CRNKL1: variants seen among roughly 807,000 people sequenced by gnomAD.
The protein encoded by CRNKL1 is crooked neck-like protein 1.
A neutral mutation model predicts 103.7 loss-of-function variants in CRNKL1; 35 were observed. The ratio of observed to expected loss-of-function variants is 0.34; its 90% CI spans 0.26 to 0.45. CRNKL1 has a LOEUF of 0.45. Ranked by LOEUF, CRNKL1 falls within the 20% of genes least tolerant of loss-of-function variation. CRNKL1 has a pLI of 1.00. For synonymous variants in CRNKL1, 267 were observed against 282.6 expected, an observed-to-expected ratio of 0.94 and a Z score of 0.55; for missense variants, 645 against 836.0, an observed-to-expected ratio of 0.77 and a Z score of 2.82.
chr20:20,038,252 A>AC lies in CRNKL1; in HGVS notation c.1647+96_1647+97insG. ...AAGGAAGTCATTAAAAAAAAAAAAA[A>AC]AACAAAAACCCAAACACTTAAAATA... is the stretch of plus-strand genomic sequence containing the variant. On this transcript the variant is annotated intron_variant, in intron 12 of 13. Transcript: ENST00000536226. The AC allele has an allele frequency of 7.8e-5, 58 of 746,274 alleles. No individual in the cohort carries two copies. In the East Asian group the frequency reaches 9.5e-4, roughly 12 times the overall value. The allele number at this position is 746,274 out of a possible 1,614,324, so 46.2% of individuals were successfully genotyped here. A position where few individuals can be genotyped will look rare whatever the true frequency, so the allele number is the denominator to read the frequency against.
chr20:20,052,715 G>A (rs1309500066), upstream of CRNKL1: 1 of 1,608,458 alleles, frequency 6.2e-7, no homozygotes, highest in Admixed American at 1.7e-5. Context: ...CTGTCGAGCC[G>A]TGGCGCCCTG....
At chr20:20,045,654 A>G (rs765706407) in intron 5 of CRNKL1, among the ~76,000 whole-genome samples, 168 bp from the exon 6 acceptor site, 9 of 152,218 alleles carry the variant, frequency 5.9e-5, no homozygotes, top group Admixed American at 1.3e-4. Flanking sequence ...GGCTTCTGTG[A>G]GAGCAGGGCC....
chr20:20,055,461 G>A (rs1222845947), upstream of CRNKL1, among the ~76,000 whole-genome samples: 5 of 152,138 alleles, frequency 3.3e-5, no homozygotes, highest in Admixed American at 6.5e-5. Flanking sequence ...AAAGTCCCAG[G>A]TAGATGCATG....
At chr20:20,040,857 G>GT in intron 9 of CRNKL1, 91 bp from the exon 10 acceptor site, 1 of 877,344 alleles carries the variant, frequency 1.1e-6, no homozygotes, top group Non-Finnish European at 1.8e-6. Flanking sequence ...AAAGCCATTG[G>GT]TAATTCGATT....
rs180752593 is a variant in CRNKL1 at position 20,043,786 on chromosome 20, T to C, written c.802-124A>G. ...TTTTGAGGCCTCATAATATCCAGAG[T>C]AAGATGCTTTTCTCCCTCTTGTTGA... On this transcript the variant is annotated intron_variant, in intron 6 of 13. Transcript: ENST00000536226. The C allele has an allele frequency of 3.5e-4, 290 of 835,204 alleles. 2 individuals are homozygous for C. In the African/African-American group the frequency reaches 4.3e-3, roughly 12 times the overall value. 51.7% of individuals were successfully genotyped at this position (835,204 alleles called of 1,614,324 possible). A position where few individuals can be genotyped will look rare whatever the true frequency, so the allele number is the denominator to read the frequency against.
chr20:20,039,572 A>G lies in CRNKL1; in HGVS notation c.1545+37T>C, dbSNP rs1432853599. 7 of 1,610,882 alleles carry G rather than the reference A, an allele frequency of 4.3e-6. No individual in the cohort carries two copies. The African/African-American group carries it at 8.0e-5, about 18-fold the overall frequency. ...TCATCTAAAGTAAGACTAAACACGT[A>G]TCTCAAACAAAATTATATTTGACTT... is the stretch of plus-strand genomic sequence containing the variant. On this transcript the variant is annotated intron_variant, in intron 11 of 13. Coordinates refer to ENST00000536226, the MANE Select transcript of CRNKL1 (RefSeq NM_001278628.2).
At chr20:20,047,180 G>A (rs575721044) in intron 5 of CRNKL1, among the ~76,000 whole-genome samples, 5 of 152,304 alleles carry the variant, frequency 3.3e-5, no homozygotes, top group African/African-American at 1.2e-4. Context: ...TGGCAGCCAG[G>A]ACCTTAGTAC....
chr20:20,049,038 GGCCATTGT>G, intron 3 of CRNKL1, among the ~76,000 whole-genome samples: 1 of 111,460 alleles, frequency 9.0e-6, no homozygotes, highest in African/African-American at 5.5e-5. Flanking sequence ...TATTTTTTTT[GGCCATTGT>G]TTAGCTGAAA....
chr20:20,055,971 A>G (rs535146740), upstream of CRNKL1: 20 of 1,611,544 alleles, frequency 1.2e-5, no homozygotes, highest in Admixed American at 1.2e-4. Flanking sequence ...AGCATTTCCC[A>G]AAGTGTCCTT....
In CRNKL1 at chr20:20,038,993, T is replaced by G. The variant is rs1447844735; in HGVS notation, c.1546-543A>C. On this transcript the variant is annotated intron_variant, in intron 11 of 13. Transcript: ENST00000536226. Reference sequence around the variant, plus strand: ...GAGGAGCCGAGGACAACTGATGAACTCAGTGATACCCAAAGCCCTGCCTTA... The same window carrying G: ...GAGGAGCCGAGGACAACTGATGAACGCAGTGATACCCAAAGCCCTGCCTTA... 2.0e-5 allele frequency among the ~76,000 whole-genome samples: 3 copies of G among 152,154 alleles called. No individual in the cohort carries two copies. In the East Asian group the frequency reaches 5.8e-4, roughly 29 times the overall value.
At chr20:20,054,013 G>GTTTTTTTTTTTTTTT (rs1239349657), upstream of CRNKL1, among the ~76,000 whole-genome samples, 194 of 58,382 alleles carry the variant, frequency 3.3e-3, no homozygotes, top group Non-Finnish European at 4.3e-3. Flanking sequence ...TTTTTTGTTT[G>GTTTTTTTTTTTTTTT]TTTTTTTTTT....
intron 5 of CRNKL1, among the ~76,000 whole-genome samples, chr20:20,047,187 G>A (rs1051625172): frequency 6.6e-6 from 1 of 152,174 alleles, no homozygotes; most frequent in African/African-American, 2.4e-5. Context: ...CAGGACCTTA[G>A]TACAGTTAGT....
intron 1 of CRNKL1, among the ~76,000 whole-genome samples, chr20:20,052,004 C>A (rs1245060168): frequency 6.6e-6 from 1 of 152,186 alleles, no homozygotes; most frequent in Non-Finnish European, 1.5e-5. Context: ...GGCCAGCGTA[C>A]GAGCGTAGCT....
At chr20:20,040,572 G>C in intron 10 of CRNKL1, 114 bp downstream of exon 10, 7 of 777,560 alleles carry the variant, frequency 9.0e-6, no homozygotes, top group South Asian at 1.5e-5. Context: ...AGGCTATAAA[G>C]GTATAATACT....
In CRNKL1 at chr20:20,052,397, G is replaced by A. The variant is rs2146511487; in HGVS notation, c.-55C>T. The A allele has an allele frequency of 1.9e-6, 3 of 1,614,208 alleles. No homozygotes were observed. Among genetic ancestry groups the A allele is most frequent in the South Asian group, 2.2e-5 (2 of 91,084 alleles). On this transcript the variant is annotated 5_prime_UTR_variant, in exon 1 of 14. Coordinates refer to ENST00000536226, the MANE Select transcript of CRNKL1 (RefSeq NM_001278628.2). ...TCCCCGGCACGGACGCTAGAAATCG[G>A]CTCTGAGAGCTCACCGAAACCACAA... is the stretch of plus-strand genomic sequence containing the variant.
rs1039596275 is a variant in CRNKL1 at position 20,045,215 on chromosome 20, T to C, written c.801+93A>G. 10 of 1,048,388 alleles carry C rather than the reference T, an allele frequency of 9.5e-6. No homozygotes were observed. The African/African-American group carries it at 1.4e-4, about 15-fold the overall frequency. The allele number at this position is 1,048,388 out of a possible 1,614,324, so 64.9% of individuals were successfully genotyped here. A position where few individuals can be genotyped will look rare whatever the true frequency, so the allele number is the denominator to read the frequency against. On this transcript the variant is annotated intron_variant, in intron 6 of 13. Coordinates refer to ENST00000536226, the MANE Select transcript of CRNKL1 (RefSeq NM_001278628.2). ...TTTTGAAAACATCTTTCCAGGGATATGTCAGTAAGAAAAAATGGAAATGAA... is the reference window on the plus strand; with the variant it reads ...TTTTGAAAACATCTTTCCAGGGATACGTCAGTAAGAAAAAATGGAAATGAA...
upstream of CRNKL1, among the ~76,000 whole-genome samples, chr20:20,052,930 G>T (rs893939312): frequency 7.0e-6 from 1 of 143,294 alleles, no homozygotes; most frequent in African/African-American, 2.6e-5. Flanking sequence ...TAATTCTAAG[G>T]TGCCCAAATA....
upstream of CRNKL1, chr20:20,052,546 C>G (rs766122480): frequency 2.5e-6 from 4 of 1,614,180 alleles, no homozygotes; most frequent in Admixed American, 6.7e-5. Context: ...TGCGCGTCCT[C>G]CTTGCGGCAG....
chr20:20,050,694 T>A (rs2043684513), intron 1 of CRNKL1, 72 bp from the exon 2 acceptor site: 3 of 1,394,108 alleles, frequency 2.2e-6, no homozygotes, highest in Non-Finnish European at 2.9e-6. Context: ...AAACATACAT[T>A]TTTTAGGATA....
Sources: gnomAD v4.1 joint callset for allele counts (sites outside exome capture counted in the v4.1 genomes callset) on GRCh38, gnomAD v4.1.1 for gene constraint, MANE v1.5 for transcripts, NCBI Gene and HGNC (gene_info 2026-07-23, HGNC 2026-07-21) for gene names.